The following SECISBP2 variants were observed in gnomAD, a reference collection of about 807,000 sequenced individuals.
SECISBP2 encodes the protein SECIS binding protein 2, also known as selenocysteine insertion sequence-binding protein 2.
In SECISBP2, 96 loss-of-function variants were observed where a neutral mutation model predicts 98.2. The ratio of observed to expected loss-of-function variants is 0.98; its 90% CI spans 0.83 to 1.16. SECISBP2 has a LOEUF of 1.16. Among genes scored for constraint, SECISBP2 ranks in the 50% most tolerant of loss-of-function variants. The pLI, the probability that SECISBP2 is intolerant of heterozygous loss-of-function variation, is 0.00. For synonymous variants in SECISBP2, 407 were observed against 370.2 expected, an observed-to-expected ratio of 1.10 and a Z score of -1.14; for missense variants, 1,046 against 1,022.9, an observed-to-expected ratio of 1.02 and a Z score of -0.31.
At chr9:89,358,311 G>T (rs1832413736) in intron 16 of SECISBP2, 120 bp downstream of exon 16, 1 of 1,036,036 alleles carries the variant, frequency 9.7e-7, no homozygotes, top group Admixed American at 2.0e-5. Context: ...GCAGGGCCTG[G>T]TAAGTCCAGC....
downstream of SECISBP2, chr9:89,363,678 G>A: frequency 6.3e-7 from 1 of 1,591,588 alleles, no homozygotes; most frequent in East Asian, 2.2e-5. Context: ...TTTTTTCACT[G>A]CCATTGTAAA....
At chr9:89,362,390 C>T, downstream of SECISBP2, 2 of 1,614,060 alleles carry the variant, frequency 1.2e-6, no homozygotes, top group African/African-American at 1.3e-5. Flanking sequence ...GTCAGGGACT[C>T]CTTCCTGGTG....
chr9:89,326,181 G>A (rs1826673226), intron 4 of SECISBP2, 143 bp downstream of exon 4: 2 of 956,502 alleles, frequency 2.1e-6, no homozygotes, highest in South Asian at 1.4e-5. Context: ...ACAGCTTAGG[G>A]CGTCAGACTT....
downstream of SECISBP2, chr9:89,362,544 T>C: frequency 1.9e-6 from 3 of 1,572,626 alleles, no homozygotes; most frequent in Non-Finnish European, 2.6e-6. Context: ...CTCAGCCCCC[T>C]GTTGTGGTTC....
intron 14 of SECISBP2, chr9:89,355,257 C>G: frequency 1.0e-6 from 1 of 985,404 alleles, no homozygotes; most frequent in South Asian, 4.7e-5. Context: ...ACAGTTGCTC[C>G]GTAAAGACTG....
rs374125379 is a variant in SECISBP2, at chr9:89,341,435, A to G, written c.1391A>G (p.His464Arg). 26 of 1,614,024 alleles carry G rather than the reference A, an allele frequency of 1.6e-5. No homozygotes were observed. Among genetic ancestry groups the G allele is most frequent in the East Asian group, 2.2e-5 (1 of 44,882 alleles). The change falls in exon 10 of 17, where the codon CAC becomes CGC. Residue 464 changes from histidine to arginine, a missense_variant. By Grantham distance (29) the His-to-Arg change is conservative. Transcript: ENST00000375807. Reference protein sequence around the residue: ...GMLTALEKKQHSQHAKQSSKP... With the variant: ...GMLTALEKKQRSQHAKQSSKP... ...CTGACAGCCCTGGAGAAGAAGCAGCACTCTCAGCATGCAAAGCAGTCCTCC... is the reference window on the plus strand; with the variant it reads ...CTGACAGCCCTGGAGAAGAAGCAGCGCTCTCAGCATGCAAAGCAGTCCTCC...
At chr9:89,354,755 G>GT in intron 14 of SECISBP2, 2 of 985,388 alleles carry the variant, frequency 2.0e-6, no homozygotes, top group South Asian at 9.4e-5. Flanking sequence ...CTGTTAGGTT[G>GT]TTTCTGCACA....
chr9:89,339,994 C>A, intron 9 of SECISBP2, 41 bp downstream of exon 9: 2 of 1,372,140 alleles, frequency 1.5e-6, no homozygotes, highest in African/African-American at 1.4e-5. Context: ...TTAGGCTTAA[C>A]TCTTCTGGCT....
intron 7 of SECISBP2, among the ~76,000 whole-genome samples, chr9:89,334,942 C>T (rs1326526549): frequency 2.6e-5 from 4 of 152,154 alleles, no homozygotes; most frequent in Non-Finnish European, 5.9e-5. Context: ...GGGCCGGGTG[C>T]GGTGGCTTAC....
intron 7 of SECISBP2, among the ~76,000 whole-genome samples, chr9:89,337,319 T>C (rs1183895068): frequency 6.6e-6 from 1 of 152,226 alleles, no homozygotes. Context: ...GCTGGAGTGA[T>C]AGTGATCAGA....
intron 11 of SECISBP2, among the ~76,000 whole-genome samples, chr9:89,347,647 T>G (rs376888935): frequency 2.0e-5 from 3 of 151,916 alleles, no homozygotes; most frequent in African/African-American, 4.8e-5. Context: ...CCCAGCTAAT[T>G]TTTGTATTTT....
At chr9:89,328,604 C>G in intron 4 of SECISBP2, 56 bp from the exon 5 acceptor site, 1 of 1,440,778 alleles carries the variant, frequency 6.9e-7, no homozygotes, top group South Asian at 1.2e-5. Flanking sequence ...TGCTTGCATA[C>G]TGGTCATCAA....
At chr9:89,345,685 G>A (rs1170967024) in intron 10 of SECISBP2, among the ~76,000 whole-genome samples, 2 of 152,242 alleles carry the variant, frequency 1.3e-5, no homozygotes, top group East Asian at 1.9e-4. Flanking sequence ...TGCAGGAGGT[G>A]TAGAGCTAGA....
chr9:89,323,174 T>G (rs1043821985), intron 2 of SECISBP2: 2 of 152,128 alleles, frequency 1.3e-5, no homozygotes, highest in Admixed American at 1.3e-4. Context: ...TGGGGCTGTT[T>G]TGGGGAATGG....
chr9:89,362,950 TTC>T (rs1256458949), downstream of SECISBP2, among the ~76,000 whole-genome samples: 8 of 152,260 alleles, frequency 5.3e-5, 1 homozygote, highest in Middle Eastern at 0.014. Flanking sequence ...TGCCTGCAGC[TTC>T]CATGCTGTAG....
downstream of SECISBP2, among the ~76,000 whole-genome samples, chr9:89,360,584 A>G (rs1361236538): frequency 6.6e-6 from 1 of 152,224 alleles, no homozygotes; most frequent in Admixed American, 6.5e-5. Context: ...TCAACATGTC[A>G]TGCAGCTGCT....
downstream of SECISBP2, chr9:89,362,474 C>T: frequency 2.5e-6 from 4 of 1,613,922 alleles, no homozygotes; most frequent in Non-Finnish European, 3.4e-6. Flanking sequence ...AACGGATGGG[C>T]CTTTCCTGCT....
At chr9:89,346,405 T>C (rs965512997) in intron 10 of SECISBP2, among the ~76,000 whole-genome samples, 2 of 152,138 alleles carry the variant, frequency 1.3e-5, no homozygotes, top group Non-Finnish European at 2.9e-5. Context: ...AATCTTATAG[T>C]GGCCTTATAA....
rs1018803996 is a variant in SECISBP2, at chr9:89,325,878, T to A, written c.433-19T>A. 2 of 1,613,508 alleles carry A rather than the reference T, an allele frequency of 1.2e-6. No individual in the cohort carries two copies. The highest frequency in any genetic ancestry group is 1.7e-6 in the Non-Finnish European group (2 of 1,179,962). ...TAGTGGTGGTTTTATTTCATGTTGCTTTTTAATCTTTCCTGCAGAAGAAAA... is the reference window on the plus strand; with the variant it reads ...TAGTGGTGGTTTTATTTCATGTTGCATTTTAATCTTTCCTGCAGAAGAAAA... On this transcript the variant is annotated intron_variant, in intron 3 of 16. Transcript: ENST00000375807.
Sources: gnomAD v4.1 joint callset for allele counts (sites outside exome capture counted in the v4.1 genomes callset) on GRCh38, gnomAD v4.1.1 for gene constraint, MANE v1.5 for transcripts, NCBI Gene and HGNC (gene_info 2026-07-23, HGNC 2026-07-21) for gene names.